GMPPA: variants seen among roughly 807,000 people sequenced by gnomAD.
The protein encoded by GMPPA is mannose-1-phosphate guanylyltransferase regulatory subunit alpha.
In GMPPA, 46 loss-of-function variants were observed where a neutral mutation model predicts 58.6. That is an observed-to-expected ratio of 0.78 (90% CI 0.62 to 1.00). The LOEUF is 1.00. Ranked by LOEUF, GMPPA falls within the 50% of genes least tolerant of loss-of-function variation. GMPPA has a pLI of 0.00. For missense variants in GMPPA, 468 were observed against 556.4 expected (o/e 0.84, Z 1.60); for synonymous variants, 211 against 214.9 (o/e 0.98, Z 0.16).
Position 219,506,354 on chromosome 2 carries a change from C to T in GMPPA, c.1094C>T (p.Pro365Leu), listed in dbSNP as rs140028521. The T allele has an allele frequency of 2.0e-4, 326 of 1,613,816 alleles. 1 individual carries two copies. The highest frequency in any genetic ancestry group is 2.6e-4 in the Non-Finnish European group (302 of 1,180,018). Residue 365 changes from proline (P) to leucine (L), a missense_variant, in exon 12 of 13, where the codon CCC (proline) becomes CTC (leucine). Pro to Leu is a moderately conservative substitution (Grantham distance 98, BLOSUM62 -3). Transcript: ENST00000313597. ...GTPSDPNPND[P>L]RARMDSESLF... ...CCCAGTGACCCTAACCCCAACGATC[C>T]CCGAGCCCGCATGGACAGTGAGAGC...
At chr2:219,504,869 G>A in intron 7 of GMPPA, 3 of 1,104,614 alleles carry the variant, frequency 2.7e-6, no homozygotes, top group Non-Finnish European at 3.3e-6. Flanking sequence ...TTGCTCTGGG[G>A]TGAGTCTGTC....
At chr2:219,499,451 G>A (rs1343925758) in intron 1 of GMPPA, among the ~76,000 whole-genome samples, 1 of 152,176 alleles carries the variant, frequency 6.6e-6, no homozygotes, top group East Asian at 1.9e-4. Flanking sequence ...CTAGAATGAA[G>A]ACGCAACACT....
intron 10 of GMPPA, 63 bp downstream of exon 10, chr2:219,505,824 C>T (rs1270973135): frequency 4.4e-6 from 6 of 1,362,010 alleles, no homozygotes; most frequent in South Asian, 1.3e-5. Flanking sequence ...AGGGTGCCCA[C>T]GCTGCCTGAG....
At chr2:219,504,833 G>A (rs957950323) in intron 7 of GMPPA, 29 of 1,054,440 alleles carry the variant, frequency 2.8e-5, no homozygotes, top group Middle Eastern at 4.5e-4. Context: ...TTCTTTCTGT[G>A]ACTGTCTCTG....
chr2:219,504,073 C>T lies in GMPPA; in HGVS notation c.490-10C>T, dbSNP rs1175416101. The T allele has an allele frequency of 3.3e-5, 53 of 1,613,932 alleles. No individual in the cohort carries two copies. The highest frequency in any genetic ancestry group is 4.5e-5 in the Non-Finnish European group (53 of 1,179,926). ...CTTCTTCTACTGAACCCAGCCTGCT[C>T]TGTCCTCAGGTATTGCACTATGTGG... is the stretch of plus-strand genomic sequence containing the variant. On this transcript the variant is annotated splice_polypyrimidine_tract_variant and intron_variant, in intron 6 of 12. Coordinates refer to ENST00000313597, the MANE Select transcript of GMPPA (RefSeq NM_013335.4).
At position 219,506,060 on chromosome 2, in the gene GMPPA, A is replaced by T; in HGVS notation, c.981A>T (p.Gly327=). 6.3e-7 allele frequency: 1 copy of T among 1,585,942 alleles called. No individual in the cohort carries two copies. The highest frequency in any genetic ancestry group is 8.6e-7 in the Non-Finnish European group (1 of 1,161,236). Residue 327 remains glycine, a synonymous_variant, in exon 11 of 13, where the codon GGA becomes GGT. Transcript: ENST00000313597. The part of the protein sequence containing the change: ...VRLRESIVLH[G]ATLQEHTCVL... ...TCCGGGAGAGCATCGTCCTCCATGG[A>T]GCCACTTTGCAGGTAGGTACCAGCA...
rs1312928238 is a variant in GMPPA at position 219,502,909 on chromosome 2, TCTC to T, written c.489+471_489+473del. Among the ~76,000 whole-genome samples, 2 of 152,154 alleles carry T rather than the reference TCTC, an allele frequency of 1.3e-5. No homozygotes were observed. Among genetic ancestry groups the T allele is most frequent in the African/African-American group, 4.8e-5 (2 of 41,428 alleles). ...TCTGTCCTGTTTTGTGAAACTCCCT[TCTC>T]CTAAGCCCCTTGACTTTCACATAAC... is the stretch of plus-strand genomic sequence containing the variant. On this transcript the variant is annotated intron_variant, in intron 6 of 12. Transcript: ENST00000313597. This position sits in a 1 kb window ranked among gnomAD's most constrained non-coding sequence, Gnocchi z 4.0.
intron 7 of GMPPA, 149 bp downstream of exon 7, chr2:219,504,362 G>A (rs1041619511): frequency 6.4e-5 from 44 of 692,282 alleles, no homozygotes; most frequent in Middle Eastern, 3.9e-4. Context: ...AGCCTCCTGA[G>A]TCCCTCCCCT....
intron 12 of GMPPA, 30 bp downstream of exon 12, chr2:219,506,452 G>A: frequency 6.3e-7 from 1 of 1,594,766 alleles, no homozygotes. Flanking sequence ...AGGGCTGGGG[G>A]AACCCCTCAG....
chr2:219,504,031 G>T, intron 6 of GMPPA, 52 bp from the exon 7 acceptor site: 2 of 1,607,086 alleles, frequency 1.2e-6, no homozygotes, highest in South Asian at 2.2e-5. Flanking sequence ...GGTCTTAGGG[G>T]ACTGTGGCGG....
intron 3 of GMPPA, 71 bp from the exon 4 acceptor site, chr2:219,501,405 A>G: frequency 1.0e-6 from 1 of 986,636 alleles, no homozygotes; most frequent in Non-Finnish European, 1.6e-6. Context: ...ACTTTGGGCC[A>G]GCACCAAGGA....
At chr2:219,506,103 C>A in intron 11 of GMPPA, 31 bp downstream of exon 11, 1 of 1,512,962 alleles carries the variant, frequency 6.6e-7, no homozygotes, top group Non-Finnish European at 9.1e-7. Context: ...CAGCATGTGA[C>A]ACCCCAAGAG....
rs756955205 is a variant in GMPPA, at chr2:219,505,932, G to T, written c.901-48G>T. 62 of 1,340,478 alleles carry T rather than the reference G, an allele frequency of 4.6e-5. 1 individual carries two copies. The highest frequency in any genetic ancestry group is 6.4e-5 in the Non-Finnish European group (62 of 971,344). 83.0% of individuals were successfully genotyped at this position (1,340,478 alleles called of 1,614,324 possible). On this transcript the variant is annotated intron_variant, in intron 10 of 12. Coordinates refer to ENST00000313597, the MANE Select transcript of GMPPA (RefSeq NM_013335.4). ...GTTCTAGAAGGGAGTTGGGTTTGGG[G>T]ATCCTCCAAGTCCCTCCAGGGCTTA...
At chr2:219,504,901 AG>A (rs1694522022) in intron 7 of GMPPA, 1 of 1,136,164 alleles carries the variant, frequency 8.8e-7, no homozygotes, top group Non-Finnish European at 1.1e-6. Flanking sequence ...CCATCCAATG[AG>A]GGGGAGGGTA....
intron 3 of GMPPA, 56 bp downstream of exon 3, chr2:219,500,274 TC>T (rs1694344755): frequency 7.4e-6 from 7 of 951,284 alleles, no homozygotes; most frequent in Admixed American, 6.0e-5. Flanking sequence ...TCATGCTGTT[TC>T]CCCCTTTCCC....
chr2:219,501,680 C>A, intron 4 of GMPPA, 101 bp downstream of exon 4: 1 of 934,658 alleles, frequency 1.1e-6, no homozygotes, highest in Non-Finnish European at 1.7e-6. Context: ...TCATCCTCGC[C>A]TACTAGAAGG....
chr2:219,501,400 G>A, intron 3 of GMPPA, 76 bp from the exon 4 acceptor site: 1 of 938,838 alleles, frequency 1.1e-6, no homozygotes, highest in Non-Finnish European at 1.7e-6. Context: ...TCTGGACTTT[G>A]GGCCAGCACC....
At chr2:219,499,658 T>C (rs1298936333) in intron 1 of GMPPA, 1 of 412,574 alleles carries the variant, frequency 2.4e-6, no homozygotes, top group Non-Finnish European at 4.4e-6. Context: ...GGATTTGAGA[T>C]GTGTGGGATT....
In GMPPA at chr2:219,506,618, C is replaced by G. The variant is rs1042031840; in HGVS notation, c.1163-80C>G. 63 of 1,006,076 alleles carry G rather than the reference C, an allele frequency of 6.3e-5. No individual in the cohort carries two copies. The Middle Eastern group carries it at 1.7e-3, about 27-fold the overall frequency. The allele number at this position is 1,006,076 out of a possible 1,614,324, so 62.3% of individuals were successfully genotyped here. On this transcript the variant is annotated intron_variant, in intron 12 of 12. Transcript: ENST00000313597. ...GCACAGATGGGCAGGAGGGCTCCCT[C>G]CCTGCTGGCAGTGGCCCCCAGCTCC...
Sources: gnomAD v4.1 joint callset for allele counts (sites outside exome capture counted in the v4.1 genomes callset) on GRCh38, gnomAD v4.1.1 for gene constraint, Gnocchi (gnomAD v3.1) non-coding constraint, MANE v1.5 for transcripts, NCBI Gene and HGNC (gene_info 2026-07-23, HGNC 2026-07-21) for gene names.